Variants in CRTAP observed in about 807,000 individuals in gnomAD.
The protein encoded by CRTAP is cartilage associated protein.
In CRTAP, 33 loss-of-function variants were observed where a neutral mutation model predicts 42.7. That is an observed-to-expected ratio of 0.77 (90% CI 0.59 to 1.03). The LOEUF (loss-of-function observed/expected upper bound fraction) is 1.03. Among genes scored for constraint, CRTAP ranks in the 50% least tolerant of loss-of-function variants. The probability of loss-of-function intolerance (pLI) is 0.00; values close to 1 mark genes in which losing one functional copy is unlikely to be tolerated. For missense variants in CRTAP, 613 were observed against 533.9 expected, an observed-to-expected ratio of 1.15 and a Z score of -1.46; for synonymous variants, 243 against 217.7, an observed-to-expected ratio of 1.12 and a Z score of -1.02.
chr3:33,120,608 T>A, intron 2 of CRTAP, 115 bp downstream of exon 2: 1 of 1,461,346 alleles, frequency 6.8e-7, no homozygotes, highest in Non-Finnish European at 9.3e-7. Flanking sequence ...TGACATTTGC[T>A]GAATATTATG....
intron 3 of CRTAP, among the ~76,000 whole-genome samples, chr3:33,128,119 A>G (rs1297816278): frequency 6.6e-6 from 1 of 152,134 alleles, no homozygotes; most frequent in Non-Finnish European, 1.5e-5. Flanking sequence ...TTACCCCATT[A>G]TACTTCAGTT....
At chr3:33,129,264 G>GT in intron 3 of CRTAP, among the ~76,000 whole-genome samples, 1 of 152,282 alleles carries the variant, frequency 6.6e-6, no homozygotes, top group East Asian at 1.9e-4. Context: ...ATATGAGAGT[G>GT]TAAGTTTCAC....
chr3:33,115,092 C>T (rs751270250), intron 1 of CRTAP, among the ~76,000 whole-genome samples: 17 of 152,072 alleles, frequency 1.1e-4, no homozygotes, highest in African/African-American at 2.2e-4. Flanking sequence ...TATAGGCGCG[C>T]GCCACCACAC....
intron 2 of CRTAP, 101 bp from the exon 3 acceptor site, chr3:33,124,307 T>G: frequency 1.4e-6 from 2 of 1,385,860 alleles, no homozygotes; most frequent in South Asian, 1.2e-5. Context: ...TCAGAGCTAA[T>G]GAGAGCTAGC....
intron 5 of CRTAP, 70 bp downstream of exon 5, chr3:33,132,770 A>G (rs1258948609): frequency 2.5e-6 from 4 of 1,578,660 alleles, no homozygotes; most frequent in South Asian, 1.1e-5. Flanking sequence ...TCGTGCCTTA[A>G]GAGAAAGGGT....
chr3:33,123,794 T>C lies in CRTAP; in HGVS notation c.622-614T>C, dbSNP rs968072121. Among the ~76,000 whole-genome samples the C allele has an allele frequency of 3.9e-4, 60 of 152,070 alleles. 1 individual carries two copies. Among genetic ancestry groups the C allele is most frequent in the Admixed American group, 1.3e-4 (2 of 15,264 alleles). ...ACAAGCATGTGACTACACCTGGTAA[T>C]TTCTATATTTTTAGTACAGATGGGG... On this transcript the variant is annotated intron_variant, in intron 2 of 6. Coordinates refer to ENST00000320954, the MANE Select transcript of CRTAP (RefSeq NM_006371.5).
chr3:33,137,930 AC>A (rs1336073018), intron 6 of CRTAP, among the ~76,000 whole-genome samples: 1 of 152,192 alleles, frequency 6.6e-6, no homozygotes, highest in Non-Finnish European at 1.5e-5. Context: ...GCCAGTTGTT[AC>A]AGCACTATTT....
chr3:33,133,251 TTCTC>T (rs2030322223), intron 5 of CRTAP, among the ~76,000 whole-genome samples: 2 of 138,282 alleles, frequency 1.4e-5, no homozygotes, highest in Non-Finnish European at 3.0e-5. Context: ...ATCCTACACC[TTCTC>T]TCTCTCTTTT....
chr3:33,114,093 CG>C lies in CRTAP; in HGVS notation c.22del (p.Ala8ProfsTer5), dbSNP rs137853936. MEPGR[R>X]GAAALLALLC... ...GCCGGGCGCGATGGAGCCGGGGCGC[CG>C]GGGGGCCGCGGCGCTGCTAGCGCTG... On this transcript the variant is annotated frameshift_variant, in exon 1 of 7. Coordinates refer to ENST00000320954, the MANE Select transcript of CRTAP (RefSeq NM_006371.5). LOFTEE classifies it high-confidence loss of function. The C allele has an allele frequency of 1.5e-5, 22 of 1,462,838 alleles. No individual in the cohort carries two copies. Among genetic ancestry groups the C allele is most frequent in the East Asian group, 5.9e-5 (2 of 33,976 alleles). 90.6% of individuals were successfully genotyped at this position (1,462,838 alleles called of 1,614,324 possible). A position where few individuals can be genotyped will look rare whatever the true frequency, so the allele number is the denominator to read the frequency against.
chr3:33,114,463 T>C lies in CRTAP; in HGVS notation c.386T>C (p.Phe129Ser). Residue 129 changes from phenylalanine (F) to serine (S), a missense_variant, in exon 1 of 7, where the codon TTC becomes TCC. Physicochemically the swap from Phe to Ser is radical, Grantham distance 155. Coordinates refer to ENST00000320954, the MANE Select transcript of CRTAP (RefSeq NM_006371.5). ...CGCTGCAAGCAGGGCCTGCCAGCCT[T>C]CCGCCAGTCCCAGCCCAGCCGCGAG... ...LKRCKQGLPAFRQSQPSREVL... is the reference protein window; with the variant it reads ...LKRCKQGLPASRQSQPSREVL... The C allele has an allele frequency of 6.3e-7, 1 of 1,590,448 alleles. No individual in the cohort carries two copies.
Position 33,114,111 on chromosome 3 carries a change from C to T in CRTAP, c.34C>T (p.Leu12=). The change falls in exon 1 of 7, where the codon CTA becomes TTA. Residue 12 remains leucine, a synonymous_variant. Coordinates refer to ENST00000320954, the MANE Select transcript of CRTAP (RefSeq NM_006371.5). ...EPGRRGAAAL[L]ALLCVACALR... ...GGGGCGCCGGGGGGCCGCGGCGCTG[C>T]TAGCGCTGCTGTGCGTGGCCTGCGC... 5 of 1,509,292 alleles carry T rather than the reference C, an allele frequency of 3.3e-6. No individual in the cohort carries two copies. The highest frequency in any genetic ancestry group is 3.5e-6 in the Non-Finnish European group (4 of 1,139,166). 93.5% of individuals were successfully genotyped at this position (1,509,292 alleles called of 1,614,324 possible).
At chr3:33,124,233 A>T (rs1305534891) in intron 2 of CRTAP, among the ~76,000 whole-genome samples, 175 bp from the exon 3 acceptor site, 1 of 152,220 alleles carries the variant, frequency 6.6e-6, no homozygotes, top group African/African-American at 2.4e-5. Context: ...TCATAAGCAA[A>T]GTAGAAAAAT....
At chr3:33,128,455 T>C (rs764596497) in intron 3 of CRTAP, among the ~76,000 whole-genome samples, 51 of 152,236 alleles carry the variant, frequency 3.4e-4, no homozygotes, top group Non-Finnish European at 5.0e-4. Flanking sequence ...GTTTCTATTA[T>C]GTGTCTTCAC....
intron 4 of CRTAP, among the ~76,000 whole-genome samples, chr3:33,131,001 C>G (rs1319217586): frequency 6.6e-6 from 1 of 152,168 alleles, no homozygotes; most frequent in Non-Finnish European, 1.5e-5. Context: ...CTGACTTTGC[C>G]AAGTGCCACT....
chr3:33,129,535 C>CTTTT (rs753545426), intron 3 of CRTAP, among the ~76,000 whole-genome samples: 9 of 115,716 alleles, frequency 7.8e-5, no homozygotes, highest in South Asian at 6.0e-4. Flanking sequence ...TTTTCTTTTT[C>CTTTT]TTTTTTTTTT....
intron 1 of CRTAP, among the ~76,000 whole-genome samples, 191 bp from the exon 2 acceptor site, chr3:33,120,153 C>T (rs768901417): frequency 1.1e-4 from 17 of 152,194 alleles, no homozygotes; most frequent in Non-Finnish European, 2.2e-4. Context: ...TCCAGACAGT[C>T]GCTTTCAGGA....
intron 1 of CRTAP, 95 bp downstream of exon 1, chr3:33,114,643 C>G (rs369240648): frequency 3.0e-5 from 37 of 1,232,074 alleles, no homozygotes; most frequent in East Asian, 2.6e-4. Context: ...CGCGTTGCCC[C>G]TCCAGTTCTA....
Position 33,120,250 on chromosome 3 carries a change from A to G in CRTAP, c.472-94A>G, listed in dbSNP as rs531156544. The stretch of plus-strand genomic sequence containing the variant: ...CTTTAGCTGGAAAAGTTATAGCAAC[A>G]CAAAGTTTCTGAAGGACTAAGCAGA... On this transcript the variant is annotated intron_variant, in intron 1 of 6. Coordinates refer to ENST00000320954, the MANE Select transcript of CRTAP (RefSeq NM_006371.5). 57 of 1,164,424 alleles carry G rather than the reference A, an allele frequency of 4.9e-5. No homozygotes were observed. The East Asian group carries it at 1.3e-3, about 26-fold the overall frequency. The allele number at this position is 1,164,424 out of a possible 1,614,324, so 72.1% of individuals were successfully genotyped here.
rs1460738206 is a variant in CRTAP, at chr3:33,143,369, C to G, written c.*921C>G. ...AGAGTGCAGAAATGTGGCTTTTGCC[C>G]CACTTTGCATCTCCAAAATTACAAC... On this transcript the variant is annotated 3_prime_UTR_variant, in exon 7 of 7. Transcript: ENST00000320954. The G allele has an allele frequency of 6.6e-6, 1 of 152,166 alleles. No homozygotes were observed. Among genetic ancestry groups the G allele is most frequent in the Non-Finnish European group, 1.5e-5 (1 of 68,016 alleles). The allele number at this position is 152,166 out of a possible 1,614,324, so 9.4% of individuals were successfully genotyped here. A position where few individuals can be genotyped will look rare whatever the true frequency, so the allele number is the denominator to read the frequency against.
Sources: allele counts gnomAD v4.1 joint callset (sites outside exome capture counted in the v4.1 genomes callset), GRCh38; gene constraint gnomAD v4.1.1; transcripts MANE v1.5; gene names NCBI Gene and HGNC (gene_info 2026-07-23, HGNC 2026-07-21).